Variants in SLC26A7 observed in about 807,000 individuals in gnomAD.
The protein encoded by SLC26A7 is anion exchange transporter.
A neutral mutation model predicts 82.5 loss-of-function variants in SLC26A7; 59 were observed. The ratio of observed to expected loss-of-function variants is 0.72; its 90% CI spans 0.58 to 0.89. The LOEUF (loss-of-function observed/expected upper bound fraction) is 0.89. Ranked by LOEUF, SLC26A7 falls within the 40% of genes least tolerant of loss-of-function variation. SLC26A7 has a pLI of 0.00. For missense variants in SLC26A7, 820 were observed against 793.0 expected (o/e 1.03, Z -0.41); for synonymous variants, 271 against 274.3 (o/e 0.99, Z 0.12).
At chr8:91,296,350 A>G (rs1342939059) in intron 4 of SLC26A7, among the ~76,000 whole-genome samples, 1 of 152,208 alleles carries the variant, frequency 6.6e-6, no homozygotes, top group African/African-American at 2.4e-5. Flanking sequence ...ACTGAATATT[A>G]GACATGGAAT....
intron 5 of SLC26A7, among the ~76,000 whole-genome samples, chr8:91,325,077 T>C (rs1299833016): frequency 6.6e-6 from 1 of 152,154 alleles, no homozygotes; most frequent in Non-Finnish European, 1.5e-5. Context: ...TCTTGTTTTA[T>C]ATGTGTAGCT....
intron 2 of SLC26A7, among the ~76,000 whole-genome samples, chr8:91,240,275 T>A (rs1362967899): frequency 6.6e-6 from 1 of 152,202 alleles, no homozygotes; most frequent in African/African-American, 2.4e-5. Flanking sequence ...TATATGTATT[T>A]TACTGCTAGT....
intron 2 of SLC26A7, among the ~76,000 whole-genome samples, chr8:91,277,680 G>T (rs1402934589): frequency 1.3e-5 from 2 of 152,144 alleles, no homozygotes; most frequent in Admixed American, 1.3e-4. Flanking sequence ...TTATGTTTCT[G>T]TATAAGAAAA....
intron 4 of SLC26A7, among the ~76,000 whole-genome samples, chr8:91,298,558 T>TG (rs1812078249): frequency 6.6e-6 from 1 of 152,126 alleles, no homozygotes; most frequent in Admixed American, 6.6e-5. Flanking sequence ...TCATTGTACC[T>TG]AGCATAGAAC....
In SLC26A7 at chr8:91,396,552, G is replaced by A. The variant is rs886812747; in HGVS notation, c.*1455G>A. 1 of 151,946 alleles carries A rather than the reference G, an allele frequency of 6.6e-6. No homozygotes were observed. Among genetic ancestry groups the A allele is most frequent in the Non-Finnish European group, 1.5e-5 (1 of 67,886 alleles). The allele number at this position is 151,946 out of a possible 1,614,324, so 9.4% of individuals were successfully genotyped here. A position where few individuals can be genotyped will look rare whatever the true frequency, so the allele number is the denominator to read the frequency against. ...ATTAAATCGTAGGTAGGGCAATGTA[G>A]TAAAATGAAAGAGAATTAAGAAAGG... On this transcript the variant is annotated 3_prime_UTR_variant, in exon 19 of 19. Coordinates refer to ENST00000276609, the MANE Select transcript of SLC26A7 (RefSeq NM_052832.4).
At chr8:91,362,917 T>G (rs1219565928) in intron 12 of SLC26A7, among the ~76,000 whole-genome samples, 1 of 152,058 alleles carries the variant, frequency 6.6e-6, no homozygotes, top group Non-Finnish European at 1.5e-5. Flanking sequence ...TTTTTGTCAT[T>G]TTACTATAAA....
intron 4 of SLC26A7, among the ~76,000 whole-genome samples, chr8:91,301,596 T>A (rs1389010389): frequency 6.6e-6 from 1 of 152,088 alleles, no homozygotes; most frequent in East Asian, 1.9e-4. Context: ...TTTGTGCTTT[T>A]TCCTTTGTTC....
chr8:91,235,194 GA>G (rs1369394514), intron 2 of SLC26A7, among the ~76,000 whole-genome samples: 1 of 152,158 alleles, frequency 6.6e-6, no homozygotes, highest in Non-Finnish European at 1.5e-5. Flanking sequence ...AAAGTGCTGG[GA>G]TTACTGGCAT....
At chr8:91,300,622 C>T (rs1211232449) in intron 4 of SLC26A7, among the ~76,000 whole-genome samples, 3 of 152,138 alleles carry the variant, frequency 2.0e-5, no homozygotes, top group Non-Finnish European at 4.4e-5. Context: ...TGGTCTCGAT[C>T]TCCTGACCTC....
At chr8:91,276,518 T>C (rs1179214002) in intron 2 of SLC26A7, among the ~76,000 whole-genome samples, 1 of 152,184 alleles carries the variant, frequency 6.6e-6, no homozygotes, top group African/African-American at 2.4e-5. Context: ...ATGGTGTTCA[T>C]CAAAATTCTT....
chr8:91,286,472 G>T (rs1811713620), intron 2 of SLC26A7, among the ~76,000 whole-genome samples: 1 of 152,148 alleles, frequency 6.6e-6, no homozygotes, highest in Non-Finnish European at 1.5e-5. Context: ...GCCATGTAAA[G>T]ATTTCATCCA....
At chr8:91,355,100 C>A (rs1365306801) in intron 11 of SLC26A7, among the ~76,000 whole-genome samples, 6 of 152,050 alleles carry the variant, frequency 3.9e-5, no homozygotes, top group Non-Finnish European at 8.8e-5. Flanking sequence ...CTTTTTAAAT[C>A]TAACATTATC....
intron 2 of SLC26A7, among the ~76,000 whole-genome samples, chr8:91,279,123 GTGTATATATATATATATA>G (rs1459064922): frequency 1.3e-5 from 1 of 78,766 alleles, no homozygotes; most frequent in African/African-American, 5.7e-5. Context: ...GTGTGTGTGT[GTGTATATATATATATATA>G]TATATATATA....
chr8:91,345,763 G>T lies in SLC26A7; in HGVS notation c.1140+2297G>T, dbSNP rs76836913. Reference sequence around the variant, plus strand: ...TCTTCGAAGTGTTTCCAGTTTCAATGTGTTCCATAACTGGGGTTTCCTTAG... The same window carrying T: ...TCTTCGAAGTGTTTCCAGTTTCAATTTGTTCCATAACTGGGGTTTCCTTAG... On this transcript the variant is annotated intron_variant, in intron 9 of 18. Coordinates refer to ENST00000276609, the MANE Select transcript of SLC26A7 (RefSeq NM_052832.4). Among the ~76,000 whole-genome samples, 48 of 152,244 alleles carry T rather than the reference G, an allele frequency of 3.2e-4. No homozygotes were observed. In the East Asian group the frequency reaches 9.1e-3, roughly 29 times the overall value.
chr8:91,362,433 AGCTATAGTGATAGGAC>A lies in SLC26A7; in HGVS notation c.1399_1414del (p.Ile467SerfsTer5). On this transcript the variant is annotated frameshift_variant, in exon 12 of 19. Transcript: ENST00000276609. LOFTEE classifies it high-confidence loss of function. ...TGCTGTTTGGTGTTGTTTGTACCAT[AGCTATAGTGATAGGAC>A]GCTTCCCAAGGTAGGATCCTATGTA... 6.2e-7 allele frequency: 1 copy of A among 1,613,144 alleles called. No individual in the cohort carries two copies. The highest frequency in any genetic ancestry group is 1.1e-5 in the South Asian group (1 of 90,984).
At chr8:91,260,599 G>A (rs914774101) in intron 2 of SLC26A7, among the ~76,000 whole-genome samples, 8 of 152,082 alleles carry the variant, frequency 5.3e-5, no homozygotes, top group Non-Finnish European at 1.2e-4. Context: ...AATATTTGTT[G>A]ACAGTGAACA....
At chr8:91,280,635 C>T (rs1177961573) in intron 2 of SLC26A7, among the ~76,000 whole-genome samples, 2 of 152,330 alleles carry the variant, frequency 1.3e-5, no homozygotes, top group African/African-American at 4.8e-5. Context: ...AGTGGAATTA[C>T]CACAGATTCT....
chr8:91,294,091 T>C (rs1811949448), intron 3 of SLC26A7, among the ~76,000 whole-genome samples: 1 of 152,228 alleles, frequency 6.6e-6, no homozygotes, highest in South Asian at 2.1e-4. Flanking sequence ...TAAAAGAATG[T>C]TATTCAATCT....
intron 11 of SLC26A7, among the ~76,000 whole-genome samples, chr8:91,360,632 G>T (rs1814024517): frequency 6.6e-6 from 1 of 152,128 alleles, no homozygotes; most frequent in South Asian, 2.1e-4. Flanking sequence ...AGAACCAGAT[G>T]GTACCAAAAT....
Sources: allele counts gnomAD v4.1 joint callset (sites outside exome capture counted in the v4.1 genomes callset), GRCh38; gene constraint gnomAD v4.1.1; transcripts MANE v1.5; gene names NCBI Gene and HGNC (gene_info 2026-07-23, HGNC 2026-07-21).